Variants in KDM4C observed in about 807,000 individuals in gnomAD.
KDM4C encodes the protein lysine-specific demethylase 4C.
A neutral mutation model predicts 129.3 loss-of-function variants in KDM4C; 81 were observed. That is an observed-to-expected ratio of 0.63 (90% CI 0.52 to 0.75). The LOEUF (loss-of-function observed/expected upper bound fraction) is 0.75. KDM4C is among the 30% of genes least tolerant of loss of function. The probability of loss-of-function intolerance (pLI) is 0.00; values close to 1 mark genes in which losing one functional copy is unlikely to be tolerated. For missense variants in KDM4C, 1,457 were observed against 1,304.0 expected (o/e 1.12, Z -1.81); for synonymous variants, 573 against 456.1 (o/e 1.26, Z -3.26).
intron 18 of KDM4C, among the ~76,000 whole-genome samples, chr9:7,117,196 G>A (rs544419264): frequency 1.3e-5 from 2 of 152,154 alleles, no homozygotes; most frequent in Admixed American, 1.3e-4. Context: ...TCTAATTTGA[G>A]ACTATGACTT....
exon 1 of KDM4C, chr9:6,720,866 G>T: frequency 8.2e-7 from 1 of 1,226,912 alleles, no homozygotes; most frequent in Non-Finnish European, 1.2e-6. Flanking sequence ...TCCACAGATG[G>T]CTGACATGAT....
At chr9:6,948,949 C>T (rs1436290319) in intron 8 of KDM4C, among the ~76,000 whole-genome samples, 6 of 150,676 alleles carry the variant, frequency 4.0e-5, no homozygotes, top group South Asian at 2.1e-4. Context: ...CTTCTCTATT[C>T]GACGAAACCG....
At chr9:6,734,882 C>T (rs1017618543) in intron 1 of KDM4C, 3 of 556,938 alleles carry the variant, frequency 5.4e-6, no homozygotes, top group Non-Finnish European at 1.1e-5. Flanking sequence ...CAATAAGAGA[C>T]TTCACAATGG....
At chr9:6,881,799 A>AAGGATTTG (rs1433234067) in intron 6 of KDM4C, among the ~76,000 whole-genome samples, 1 of 152,226 alleles carries the variant, frequency 6.6e-6, no homozygotes, top group Non-Finnish European at 1.5e-5. Flanking sequence ...ACCCTGCAAG[A>AAGGATTTG]TAGTGAAGGA....
chr9:6,861,274 TC>T (rs1328016577), intron 5 of KDM4C, among the ~76,000 whole-genome samples: 6 of 152,234 alleles, frequency 3.9e-5, no homozygotes, highest in Non-Finnish European at 8.8e-5. Flanking sequence ...ATATTCAACT[TC>T]CTGAGAGCAG....
intron 9 of KDM4C, among the ~76,000 whole-genome samples, chr9:6,983,478 T>C (rs1004131113): frequency 6.6e-6 from 1 of 152,116 alleles, no homozygotes; most frequent in African/African-American, 2.4e-5. Flanking sequence ...GGCTCATGCC[T>C]GTTATCCCAG....
intron 1 of KDM4C, among the ~76,000 whole-genome samples, chr9:6,785,734 T>C (rs1825350656): frequency 6.6e-6 from 1 of 152,222 alleles, no homozygotes; most frequent in South Asian, 2.1e-4. Flanking sequence ...AAAAACTTTA[T>C]TTCCAAATAA....
chr9:6,790,585 A>T (rs189099119), intron 1 of KDM4C, among the ~76,000 whole-genome samples: 2 of 137,450 alleles, frequency 1.5e-5, no homozygotes, highest in African/African-American at 2.8e-5. Context: ...TTACTATCTC[A>T]TGACGTTTCA....
At chr9:7,130,859 G>A (rs7033992) in intron 19 of KDM4C, among the ~76,000 whole-genome samples, 81,624 of 151,522 alleles carry the variant, frequency 0.54, 22,363 homozygotes, top group Middle Eastern at 0.64. Context: ...CCTGGGCTCC[G>A]GTGATCCTCT....
At position 7,060,226 on chromosome 9, in the gene KDM4C, T is replaced by C. The variant is rs76530749; in HGVS notation, c.2424+11026T>C. Among the ~76,000 whole-genome samples the C allele has an allele frequency of 8.8e-3, 1,333 of 151,758 alleles. 10 individuals carry two copies. The highest frequency in any genetic ancestry group is 0.045 in the East Asian group (233 of 5,172). On this transcript the variant is annotated intron_variant, in intron 17 of 21. Transcript: ENST00000381309. Reference sequence around the variant, plus strand: ...TATGTCATTGTCATGTTTTTTTTTTTTTCTTCTTCTTACTGGCAAGAACGT... The same window carrying C: ...TATGTCATTGTCATGTTTTTTTTTTCTTCTTCTTCTTACTGGCAAGAACGT...
intron 8 of KDM4C, among the ~76,000 whole-genome samples, chr9:6,927,418 C>G (rs1822833621): frequency 6.6e-6 from 1 of 152,214 alleles, no homozygotes; most frequent in African/African-American, 2.4e-5. Flanking sequence ...GTGTGAGCTA[C>G]TGCGCCCAGC....
intron 8 of KDM4C, among the ~76,000 whole-genome samples, chr9:6,918,167 C>T (rs181766959): frequency 6.6e-5 from 10 of 152,200 alleles, no homozygotes; most frequent in Non-Finnish European, 1.2e-4. Flanking sequence ...TAGCCTTTGC[C>T]GTACTCCCTC....
chr9:6,754,845 A>T (rs949020908), upstream of KDM4C, among the ~76,000 whole-genome samples: 4 of 148,792 alleles, frequency 2.7e-5, no homozygotes, highest in Non-Finnish European at 4.5e-5. Flanking sequence ...ACTGCACTCC[A>T]GTCTGGGCAA....
intron 15 of KDM4C, among the ~76,000 whole-genome samples, chr9:7,037,006 A>T (rs576800056): frequency 6.6e-6 from 1 of 152,274 alleles, no homozygotes; most frequent in South Asian, 2.1e-4. Context: ...TTATATAATC[A>T]CTCAGAACTC....
intron 18 of KDM4C, among the ~76,000 whole-genome samples, chr9:7,112,993 T>C (rs1446826685): frequency 6.6e-6 from 1 of 152,196 alleles, no homozygotes; most frequent in Admixed American, 6.5e-5. Context: ...TTCCTTAGAC[T>C]TCTACATAAT....
chr9:6,807,442 C>T (rs1335366497), intron 3 of KDM4C, among the ~76,000 whole-genome samples: 28 of 142,986 alleles, frequency 2.0e-4, no homozygotes, highest in African/African-American at 7.4e-4. Flanking sequence ...GTGAGGAGCG[C>T]CTCTTCCCAG....
At chr9:7,012,009 G>C (rs1822804289) in intron 13 of KDM4C, 130 bp downstream of exon 13, 1 of 671,722 alleles carries the variant, frequency 1.5e-6, no homozygotes, top group African/African-American at 1.8e-5. Context: ...GGTAGCTGAT[G>C]GCTTTCATAG....
At chr9:6,958,392 C>T (rs913062326) in intron 8 of KDM4C, among the ~76,000 whole-genome samples, 1 of 152,056 alleles carries the variant, frequency 6.6e-6, no homozygotes. Flanking sequence ...CGAGACCAGC[C>T]TGACCAACAT....
chr9:7,101,256 T>C (rs534408056), intron 17 of KDM4C, among the ~76,000 whole-genome samples: 6 of 152,328 alleles, frequency 3.9e-5, no homozygotes, highest in African/African-American at 1.4e-4. Flanking sequence ...TAAGTGCACA[T>C]AGATGTCTTT....
Sources: allele counts gnomAD v4.1 joint callset (sites outside exome capture counted in the v4.1 genomes callset), GRCh38; gene constraint gnomAD v4.1.1; transcripts MANE v1.5; gene names NCBI Gene and HGNC (gene_info 2026-07-23, HGNC 2026-07-21).